ATRNL1: variants seen among roughly 807,000 people sequenced by gnomAD.
ATRNL1 encodes the protein attractin-like protein 1.
A neutral mutation model predicts 182.7 loss-of-function variants in ATRNL1; 95 were observed. The ratio of observed to expected loss-of-function variants is 0.52; its 90% CI spans 0.44 to 0.62. The LOEUF (loss-of-function observed/expected upper bound fraction) is 0.62, where lower values mean the gene tolerates loss of function less well. Ranked by LOEUF, ATRNL1 falls within the 20% of genes least tolerant of loss-of-function variation. The probability of loss-of-function intolerance (pLI) is 0.00; values close to 1 mark genes in which losing one functional copy is unlikely to be tolerated. For synonymous variants in ATRNL1, 576 were observed against 568.3 expected (o/e 1.01, Z -0.19); for missense variants, 1,471 against 1,679.5 (o/e 0.88, Z 2.17).
chr10:115,195,679 G>A (rs1344697395), intron 8 of ATRNL1, among the ~76,000 whole-genome samples: 1 of 152,018 alleles, frequency 6.6e-6, no homozygotes, highest in African/African-American at 2.4e-5. Flanking sequence ...AGTTTGGAAA[G>A]TTCTCAGTTA....
At chr10:115,193,015 A>G (rs1004353968) in intron 8 of ATRNL1, among the ~76,000 whole-genome samples, 6 of 152,030 alleles carry the variant, frequency 3.9e-5, no homozygotes, top group African/African-American at 1.2e-4. Context: ...TCTATAAACA[A>G]GGAAAAACTT....
At chr10:115,688,495 A>G (rs1286399455) in intron 26 of ATRNL1, among the ~76,000 whole-genome samples, 1 of 152,016 alleles carries the variant, frequency 6.6e-6, no homozygotes, top group Non-Finnish European at 1.5e-5. Flanking sequence ...CTTTTTAGTA[A>G]TAGCCATTCT....
At chr10:115,102,548 G>A (rs1480925537) in intron 1 of ATRNL1, among the ~76,000 whole-genome samples, 1 of 151,988 alleles carries the variant, frequency 6.6e-6, no homozygotes. Flanking sequence ...GGTTCAAGCG[G>A]TTCTCCTGCC....
chr10:115,610,385 A>G lies in ATRNL1; in HGVS notation c.3795+60849A>G, dbSNP rs187722975. 1.4e-4 allele frequency among the ~76,000 whole-genome samples: 22 copies of G among 152,326 alleles called. 1 individual carries two copies. The East Asian group carries it at 4.1e-3, about 28-fold the overall frequency. The stretch of plus-strand genomic sequence containing the variant: ...TTTGCATTGTAGACTGTCTATGACT[A>G]CAAAAAAAAGCTTTATTTTTTCTCT... On this transcript the variant is annotated intron_variant, in intron 26 of 28. Transcript: ENST00000355044.
intron 7 of ATRNL1, among the ~76,000 whole-genome samples, chr10:115,166,449 CTA>C (rs1206926665): frequency 2.0e-5 from 3 of 150,272 alleles, no homozygotes; most frequent in South Asian, 2.1e-4. Context: ...TATGGTAATT[CTA>C]TGTTTAATTT....
chr10:115,513,026 A>T (rs1554983027), intron 24 of ATRNL1, among the ~76,000 whole-genome samples: 7 of 151,946 alleles, frequency 4.6e-5, no homozygotes. Flanking sequence ...TTAAAACATT[A>T]TGAGATTTTT....
chr10:115,165,521 C>G, intron 6 of ATRNL1, 37 bp from the exon 7 acceptor site: 1 of 1,233,492 alleles, frequency 8.1e-7, no homozygotes, highest in Non-Finnish European at 1.1e-6. Context: ...AAAAATGAAT[C>G]TTAGCTTATG....
At chr10:115,899,894 C>G (rs1952308758) in intron 28 of ATRNL1, among the ~76,000 whole-genome samples, 1 of 152,038 alleles carries the variant, frequency 6.6e-6, no homozygotes, top group African/African-American at 2.4e-5. Flanking sequence ...TAATTTTTCA[C>G]CCTCAAAAAA....
rs547942076 is a variant in ATRNL1 at position 115,540,444 on chromosome 10, G to T, written c.3717-9014G>T. Among the ~76,000 whole-genome samples, 10 of 152,116 alleles carry T rather than the reference G, an allele frequency of 6.6e-5. No individual in the cohort carries two copies. In the South Asian group the frequency reaches 1.9e-3, roughly 28 times the overall value. On this transcript the variant is annotated intron_variant, in intron 25 of 28. Coordinates refer to ENST00000355044, the MANE Select transcript of ATRNL1 (RefSeq NM_207303.4). Reference sequence around the variant, plus strand: ...ACCTCAATCCCTTTGTAAAGTCAAGGTAGCACAAGAGAGATGGATTAAAGG... The same window carrying T: ...ACCTCAATCCCTTTGTAAAGTCAAGTTAGCACAAGAGAGATGGATTAAAGG...
rs185709323 is a variant in ATRNL1 at position 115,236,519 on chromosome 10, C to A, written c.1533-5052C>A. ...AGATTTACTTTTTCCATTTAATATA[C>A]CATATCTGGTAAATCAGATGTAATT... On this transcript the variant is annotated intron_variant, in intron 9 of 28. Coordinates refer to ENST00000355044, the MANE Select transcript of ATRNL1 (RefSeq NM_207303.4). 1.9e-4 allele frequency among the ~76,000 whole-genome samples: 29 copies of A among 152,240 alleles called. No homozygotes were observed. In the East Asian group the frequency reaches 4.0e-3, roughly 21 times the overall value.
chr10:115,224,695 A>G (rs1357007443), intron 9 of ATRNL1, among the ~76,000 whole-genome samples: 1 of 152,178 alleles, frequency 6.6e-6, no homozygotes, highest in Non-Finnish European at 1.5e-5. Flanking sequence ...AGAACATATG[A>G]TAAGCGACTC....
At chr10:115,331,446 A>T (rs1032011939) in intron 18 of ATRNL1, among the ~76,000 whole-genome samples, 2 of 152,002 alleles carry the variant, frequency 1.3e-5, no homozygotes, top group Admixed American at 1.3e-4. Context: ...TGTTTGTTGA[A>T]TTTCTCTAAC....
intron 15 of ATRNL1, 118 bp from the exon 16 acceptor site, chr10:115,299,912 TAGAA>T: frequency 1.5e-6 from 1 of 677,824 alleles, no homozygotes; most frequent in Non-Finnish European, 2.4e-6. Flanking sequence ...TAAAACTCAT[TAGAA>T]AGGCAGCTTT....
At chr10:115,155,835 G>C (rs991436718) in intron 5 of ATRNL1, among the ~76,000 whole-genome samples, 1 of 152,160 alleles carries the variant, frequency 6.6e-6, no homozygotes, top group African/African-American at 2.4e-5. Context: ...ATGGAAATAA[G>C]AAGACCAGGT....
At chr10:115,770,444 A>T (rs1555076076) in intron 27 of ATRNL1, among the ~76,000 whole-genome samples, 2 of 152,200 alleles carry the variant, frequency 1.3e-5, no homozygotes, top group Admixed American at 6.5e-5. Context: ...GAAGAAAAAG[A>T]ATAGTTTTAA....
At chr10:115,097,113 A>G (rs2143373245) in intron 1 of ATRNL1, among the ~76,000 whole-genome samples, 1 of 152,264 alleles carries the variant, frequency 6.6e-6, no homozygotes, top group South Asian at 2.1e-4. Context: ...ATTGCTCTTT[A>G]TATTAGTCAA....
rs558500065 is a variant in ATRNL1, at chr10:115,685,726, C to A, written c.3796-41522C>A. 2.6e-5 allele frequency among the ~76,000 whole-genome samples: 4 copies of A among 151,832 alleles called. No homozygotes were observed. The South Asian group carries it at 8.3e-4, about 32-fold the overall frequency. On this transcript the variant is annotated intron_variant, in intron 26 of 28. Transcript: ENST00000355044. ...ATTGAATATTGTCATTGAATATCAT[C>A]TGTATTTTTATTTGATGATTTTAAA...
chr10:115,842,817 C>T (rs1186135692), intron 27 of ATRNL1, among the ~76,000 whole-genome samples: 1 of 151,972 alleles, frequency 6.6e-6, no homozygotes, highest in African/African-American at 2.4e-5. Flanking sequence ...CTGTCTTACC[C>T]TGAGAATACA....
At position 115,592,765 on chromosome 10, in the gene ATRNL1, G is replaced by A. The variant is rs143598513; in HGVS notation, c.3795+43229G>A. 5.3e-5 allele frequency among the ~76,000 whole-genome samples: 8 copies of A among 151,602 alleles called. No individual in the cohort carries two copies. The East Asian group carries it at 1.6e-3, about 29-fold the overall frequency. ...CAGTTTCTATTTATCCAGGATGGTGGCACTTTTAACAGCAGAGCTTCCTCA... is the reference window on the plus strand; with the variant it reads ...CAGTTTCTATTTATCCAGGATGGTGACACTTTTAACAGCAGAGCTTCCTCA... On this transcript the variant is annotated intron_variant, in intron 26 of 28. Coordinates refer to ENST00000355044, the MANE Select transcript of ATRNL1 (RefSeq NM_207303.4).
Sources: allele counts gnomAD v4.1 joint callset (sites outside exome capture counted in the v4.1 genomes callset), GRCh38; gene constraint gnomAD v4.1.1; transcripts MANE v1.5; gene names NCBI Gene and HGNC (gene_info 2026-07-23, HGNC 2026-07-21).